Variants in BTRC observed in about 807,000 individuals in gnomAD.
The protein encoded by BTRC is beta-transducin repeat containing E3 ubiquitin protein ligase.
A neutral mutation model predicts 85.5 loss-of-function variants in BTRC; 42 were observed. That is an observed-to-expected ratio of 0.49 (90% confidence interval 0.38 to 0.64). The LOEUF (loss-of-function observed/expected upper bound fraction) is 0.64. BTRC is among the 30% of genes least tolerant of loss of function. BTRC has a pLI of 0.00. For synonymous variants in BTRC, 255 were observed against 263.3 expected, an observed-to-expected ratio of 0.97 and a Z score of 0.30; for missense variants, 594 against 743.5, an observed-to-expected ratio of 0.80 and a Z score of 2.34.
chr10:101,521,737 T>C lies in BTRC; in HGVS notation c.423T>C (p.Phe141=). ...EKEKELCVKY[F]EQWSESDQVE... ...AAAAGGAACTGTGTGTCAAATACTT[T>C]GAGCAGTGGTCAGAGTCAGATCAAG... Residue 141 remains phenylalanine (F), a synonymous_variant, in exon 5 of 15, where the codon TTT becomes TTC. Coordinates refer to ENST00000370187, the MANE Select transcript of BTRC (RefSeq NM_033637.4). The C allele has an allele frequency of 6.2e-7, 1 of 1,614,210 alleles. No individual in the cohort carries two copies. The highest frequency in any genetic ancestry group is 8.5e-7 in the Non-Finnish European group (1 of 1,180,026).
At chr10:101,354,128 T>G (rs1941957020), upstream of BTRC, 1 of 1,544,862 alleles carries the variant, frequency 6.5e-7, no homozygotes, top group Non-Finnish European at 8.7e-7. Flanking sequence ...GGCTGCGGCC[T>G]GGCACCAAAG....
chr10:101,413,343 T>C (rs764944005), intron 1 of BTRC, among the ~76,000 whole-genome samples: 3 of 152,012 alleles, frequency 2.0e-5, no homozygotes, highest in Non-Finnish European at 4.4e-5. Context: ...TGACAGAGTC[T>C]CGCTCTGTTG....
intron 1 of BTRC, among the ~76,000 whole-genome samples, chr10:101,375,541 C>T (rs773900128): frequency 4.6e-5 from 7 of 152,240 alleles, no homozygotes; most frequent in Non-Finnish European, 1.0e-4. Context: ...AGAATAATGG[C>T]AGGGAGTCTG....
intron 1 of BTRC, among the ~76,000 whole-genome samples, chr10:101,372,607 G>A (rs1287862541): frequency 1.4e-5 from 2 of 147,502 alleles, no homozygotes; most frequent in African/African-American, 4.9e-5. Flanking sequence ...GCTCACACCT[G>A]TAATCCCAGC....
chr10:101,433,062 T>A (rs1420726483), intron 2 of BTRC, among the ~76,000 whole-genome samples: 1 of 152,086 alleles, frequency 6.6e-6, no homozygotes, highest in African/African-American at 2.4e-5. Flanking sequence ...GCAGAGATAC[T>A]CTCACCAGAC....
Position 101,531,320 on chromosome 10 carries a change from T to C in BTRC, c.827T>C (p.Ile276Thr). 6.3e-7 allele frequency: 1 copy of C among 1,598,708 alleles called. No individual in the cohort carries two copies. Among genetic ancestry groups the C allele is most frequent in the Non-Finnish European group, 8.6e-7 (1 of 1,166,312 alleles). ...SFYRALYPKI[I>T]QDIETIESNW... Reference sequence around the variant, plus strand: ...TATAGAGCACTTTATCCTAAAATTATACAAGACATTGAGGTAAGAATCTAT... The same window carrying C: ...TATAGAGCACTTTATCCTAAAATTACACAAGACATTGAGGTAAGAATCTAT... Residue 276 changes from isoleucine (I) to threonine (T), a missense_variant, in exon 7 of 15, where the codon ATA (isoleucine) becomes ACA (threonine). Coordinates refer to ENST00000370187, the MANE Select transcript of BTRC (RefSeq NM_033637.4).
chr10:101,357,586 G>T (rs1942079246), intron 1 of BTRC, among the ~76,000 whole-genome samples: 1 of 151,558 alleles, frequency 6.6e-6, no homozygotes, highest in African/African-American at 2.4e-5. Context: ...TCCCTCAATT[G>T]TGAATCGCTA....
intron 4 of BTRC, among the ~76,000 whole-genome samples, chr10:101,505,980 T>C (rs1289406265): frequency 6.6e-6 from 1 of 151,758 alleles, no homozygotes; most frequent in Admixed American, 6.6e-5. Flanking sequence ...AGTGGCACAA[T>C]CTCAGCTCAC....
chr10:101,550,601 T>C (rs1176079221), intron 13 of BTRC, 98 bp from the exon 14 acceptor site: 1 of 1,341,318 alleles, frequency 7.5e-7, no homozygotes, highest in African/African-American at 1.4e-5. Context: ...CAGCAAACCA[T>C]AGCCTTTCCG....
At chr10:101,473,196 A>C (rs1945581756) in intron 3 of BTRC, among the ~76,000 whole-genome samples, 2 of 136,112 alleles carry the variant, frequency 1.5e-5, no homozygotes, top group Admixed American at 1.5e-4. Context: ...ATATGATTTC[A>C]GTTTATCTAT....
chr10:101,354,641 C>A, intron 1 of BTRC: 1 of 232,364 alleles, frequency 4.3e-6, no homozygotes, highest in Non-Finnish European at 8.3e-6. Context: ...GCATTCACGA[C>A]TGGGGAAGGG....
intron 3 of BTRC, among the ~76,000 whole-genome samples, chr10:101,471,296 G>C (rs1751814819): frequency 6.6e-6 from 1 of 152,160 alleles, no homozygotes; most frequent in Non-Finnish European, 1.5e-5. Context: ...GCCGAAGTGG[G>C]AGGATCGCTG....
intron 1 of BTRC, among the ~76,000 whole-genome samples, chr10:101,384,274 T>C (rs11190978): frequency 0.011 from 1,710 of 152,336 alleles, 16 homozygotes; most frequent in Middle Eastern, 0.027. Context: ...AGTCTCCTAT[T>C]AGAAATACTA....
intron 1 of BTRC, among the ~76,000 whole-genome samples, chr10:101,389,268 A>T (rs1311158558): frequency 6.6e-6 from 1 of 151,526 alleles, no homozygotes; most frequent in Non-Finnish European, 1.5e-5. Flanking sequence ...ACAAGATTTT[A>T]TCTGTTCTAC....
chr10:101,456,242 A>G (rs1024428404), intron 2 of BTRC, among the ~76,000 whole-genome samples: 1 of 152,160 alleles, frequency 6.6e-6, no homozygotes, highest in Non-Finnish European at 1.5e-5. Flanking sequence ...AAGGATGTCA[A>G]TGTCAGAAGG....
At chr10:101,433,340 C>T (rs1471191504) in intron 2 of BTRC, among the ~76,000 whole-genome samples, 1 of 151,990 alleles carries the variant, frequency 6.6e-6, no homozygotes, top group Non-Finnish European at 1.5e-5. Flanking sequence ...CTGATAAATT[C>T]TAGGAAGGGA....
intron 1 of BTRC, among the ~76,000 whole-genome samples, chr10:101,366,889 T>A (rs189563394): frequency 0.17 from 3,793 of 22,040 alleles, 567 homozygotes; most frequent in South Asian, 0.3. Flanking sequence ...TATATATATT[T>A]ATATATATTT....
At chr10:101,468,866 C>T (rs1370917938) in intron 3 of BTRC, among the ~76,000 whole-genome samples, 1 of 152,184 alleles carries the variant, frequency 6.6e-6, no homozygotes, top group African/African-American at 2.4e-5. Flanking sequence ...CACCTGACAA[C>T]TAAACCTTCT....
At chr10:101,434,312 C>G (rs1021969787) in intron 2 of BTRC, among the ~76,000 whole-genome samples, 28 of 152,054 alleles carry the variant, frequency 1.8e-4, no homozygotes, top group African/African-American at 6.8e-4. Context: ...AATGAACTTC[C>G]TCTGTTATTG....
Sources: gnomAD v4.1 joint callset for allele counts (sites outside exome capture counted in the v4.1 genomes callset) on GRCh38, gnomAD v4.1.1 for gene constraint, MANE v1.5 for transcripts, NCBI Gene and HGNC (gene_info 2026-07-23, HGNC 2026-07-21) for gene names.